Variants in GSE1 observed in about 807,000 individuals in gnomAD.
The protein encoded by GSE1 is genetic suppressor element 1.
A neutral mutation model predicts 112.6 loss-of-function variants in GSE1; 32 were observed. The observed-to-expected ratio is 0.28, with a 90% CI of 0.21 to 0.38. GSE1 has a LOEUF of 0.38. GSE1 is among the 10% of genes least tolerant of loss of function. GSE1 has a pLI of 1.00. For missense variants in GSE1, 2,348 were observed against 1,699.2 expected (o/e 1.38, Z -6.71); for synonymous variants, 1,115 against 735.6 (o/e 1.52, Z -8.35).
intron 15 of GSE1, among the ~76,000 whole-genome samples, chr16:85,671,644 T>C (rs2053350151): frequency 6.6e-6 from 1 of 152,100 alleles, no homozygotes; most frequent in South Asian, 2.1e-4. Flanking sequence ...CACCAGTTGA[T>C]TATCTAGGAT....
chr16:85,198,863 C>T (rs375767748), intron 1 of GSE1, among the ~76,000 whole-genome samples: 12 of 152,148 alleles, frequency 7.9e-5, no homozygotes, highest in South Asian at 4.2e-4. Context: ...ACTGCAGCCT[C>T]GACTTCCTGG....
At chr16:85,326,848 C>T (rs2046237506) in intron 1 of GSE1, among the ~76,000 whole-genome samples, 1 of 152,236 alleles carries the variant, frequency 6.6e-6, no homozygotes, top group Non-Finnish European at 1.5e-5. Flanking sequence ...CAGTTTAAGA[C>T]CCAGTCCCTG....
At chr16:85,359,719 A>C (rs2047024102) in intron 2 of GSE1, among the ~76,000 whole-genome samples, 3 of 152,210 alleles carry the variant, frequency 2.0e-5, no homozygotes, top group Non-Finnish European at 4.4e-5. Flanking sequence ...CCACTCACAC[A>C]GTAGTGAGCG....
At chr16:85,187,121 C>T (rs1320460688) in intron 1 of GSE1, among the ~76,000 whole-genome samples, 2 of 152,220 alleles carry the variant, frequency 1.3e-5, no homozygotes, top group Non-Finnish European at 2.9e-5. Flanking sequence ...GCCTCCAGGT[C>T]TGGAGCCGGC....
intron 2 of GSE1, among the ~76,000 whole-genome samples, chr16:85,406,101 C>G (rs1288197763): frequency 0.11 from 31 of 272 alleles, 13 homozygotes; most frequent in African/African-American, 0.13. Context: ...CTCACTGTTG[C>G]ACTCAGGGCC....
chr16:85,367,644 G>T (rs140593359), intron 2 of GSE1, among the ~76,000 whole-genome samples: 1 of 152,182 alleles, frequency 6.6e-6, no homozygotes, highest in African/African-American at 2.4e-5. Context: ...AAGGGCCCCG[G>T]GGCAGCCAGT....
chr16:85,505,093 G>C (rs1027022411), intron 2 of GSE1, among the ~76,000 whole-genome samples: 2 of 152,144 alleles, frequency 1.3e-5, no homozygotes, highest in Admixed American at 6.5e-5. Flanking sequence ...TCCTTTTCCG[G>C]TTTGGATCCT....
At chr16:85,607,261 G>A (rs1277142496), upstream of GSE1, among the ~76,000 whole-genome samples, 1 of 152,168 alleles carries the variant, frequency 6.6e-6, no homozygotes, top group Admixed American at 6.5e-5. Flanking sequence ...CAGTAGGAGA[G>A]GCAGGAGCTG....
chr16:85,638,515 C>T (rs980356425), intron 2 of GSE1, among the ~76,000 whole-genome samples: 1 of 152,200 alleles, frequency 6.6e-6, no homozygotes, highest in Non-Finnish European at 1.5e-5. Flanking sequence ...GCCGCTTTGC[C>T]TCTCTGAGCT....
Position 85,170,813 on chromosome 16 carries a change from C to G in GSE1, c.1289C>G (p.Thr430Arg), listed in dbSNP as rs534248048. 1,413 of 985,574 alleles carry G rather than the reference C, an allele frequency of 1.4e-3. 2 individuals carry two copies. The highest frequency in any genetic ancestry group is 1.6e-3 in the Non-Finnish European group (1,347 of 830,026). 61.1% of individuals were successfully genotyped at this position (985,574 alleles called of 1,614,324 possible). A position where few individuals can be genotyped will look rare whatever the true frequency, so the allele number is the denominator to read the frequency against. The change falls in exon 1 of 3, where the codon ACG (threonine) becomes AGG (arginine). Residue 430 changes from threonine to arginine, a missense_variant. By Grantham distance (71) the Thr-to-Arg change is moderately conservative (BLOSUM62 -1). Coordinates refer to the GSE1 transcript ENST00000637419. ...TGCGCCAGCTGCTTCTCCTCCCTCA[C>G]GCAGCAGTGGCAGAGCTTCGAGCTG...
intron 8 of GSE1, among the ~76,000 whole-genome samples, chr16:85,658,941 G>C (rs139541430): frequency 3.3e-5 from 5 of 152,214 alleles, no homozygotes; most frequent in Non-Finnish European, 1.5e-5. Context: ...CCCTGGCTGC[G>C]GTGGTTCCCC....
intron 1 of GSE1, among the ~76,000 whole-genome samples, chr16:85,197,984 A>C (rs904357373): frequency 1.3e-5 from 2 of 152,086 alleles, no homozygotes; most frequent in African/African-American, 4.8e-5. Flanking sequence ...TGACAAACCA[A>C]ATGCCAAGGA....
chr16:85,553,203 G>C (rs1239701326), upstream of GSE1, among the ~76,000 whole-genome samples: 9 of 151,038 alleles, frequency 6.0e-5, no homozygotes, highest in Non-Finnish European at 1.3e-4. Flanking sequence ...GGAGGGGAAA[G>C]CGGGGGCTGG....
intron 2 of GSE1, among the ~76,000 whole-genome samples, chr16:85,412,897 G>C (rs1013944796): frequency 6.6e-6 from 1 of 152,208 alleles, no homozygotes; most frequent in South Asian, 2.1e-4. Context: ...TTTTCAGGGG[G>C]CCGTGATCCA....
chr16:85,392,865 G>A (rs1477378705), intron 2 of GSE1, among the ~76,000 whole-genome samples: 1 of 152,238 alleles, frequency 6.6e-6, no homozygotes, highest in Non-Finnish European at 1.5e-5. Flanking sequence ...GACCCCGAAT[G>A]TGCGGGGATG....
chr16:85,316,679 C>T (rs527554632), intron 1 of GSE1, among the ~76,000 whole-genome samples: 32 of 152,348 alleles, frequency 2.1e-4, no homozygotes, highest in Admixed American at 9.1e-4. Context: ...GGGGGCTGCA[C>T]ATCAGCCAGT....
chr16:85,429,283 GC>G (rs1158485816), intron 2 of GSE1, among the ~76,000 whole-genome samples: 1 of 152,234 alleles, frequency 6.6e-6, no homozygotes, highest in Admixed American at 6.5e-5. Flanking sequence ...ATTCTGTGTG[GC>G]ATGCATCACT....
intron 1 of GSE1, among the ~76,000 whole-genome samples, chr16:85,626,623 G>C (rs1392054379): frequency 6.6e-6 from 1 of 152,206 alleles, no homozygotes. Flanking sequence ...GGGCTGTCAG[G>C]GGGAAGGGGC....
intron 3 of GSE1, 125 bp from the exon 4 acceptor site, chr16:85,654,153 G>A (rs2051693182): frequency 4.6e-6 from 4 of 867,820 alleles, no homozygotes. Flanking sequence ...AAGCCTTAGG[G>A]AAAGGATGTT....
Sources: allele counts gnomAD v4.1 joint callset (sites outside exome capture counted in the v4.1 genomes callset), GRCh38; gene constraint gnomAD v4.1.1; transcripts MANE v1.5; gene names NCBI Gene and HGNC (gene_info 2026-07-23, HGNC 2026-07-21).